The following KCNA2 variants were observed in gnomAD, a reference collection of about 807,000 sequenced individuals.
KCNA2 encodes potassium channel, voltage gated shaker related subfamily A, member 2.
KCNA2 carries 11 observed loss-of-function variants against 33.4 expected under a neutral mutation model. That is an observed-to-expected ratio of 0.33 (90% CI 0.21 to 0.55). KCNA2 has a LOEUF of 0.55. Ranked by LOEUF, KCNA2 falls within the 20% of genes least tolerant of loss-of-function variation. The probability of loss-of-function intolerance (pLI) is 0.93; values close to 1 mark genes in which losing one functional copy is unlikely to be tolerated. For missense variants in KCNA2, 291 were observed against 621.6 expected (o/e 0.47, Z 5.66); for synonymous variants, 222 against 231.3 (o/e 0.96, Z 0.37).
chr1:110,600,944 C>T lies in KCNA2; in HGVS notation c.*2339G>A, dbSNP rs1445412419. On this transcript the variant is annotated 3_prime_UTR_variant, in exon 3 of 3. Coordinates refer to ENST00000316361, the MANE Select transcript of KCNA2 (RefSeq NM_004974.4). ...AGCAGTGAGGCCTGGGCTGGAGCCA[C>T]CCCTGCATAGCCCGACCCCTGCAAT... 5.1e-6 allele frequency: 5 copies of T among 985,360 alleles called. No individual in the cohort carries two copies. Among genetic ancestry groups the T allele is most frequent in the Non-Finnish European group, 6.0e-6 (5 of 829,980 alleles). The allele number at this position is 985,360 out of a possible 1,614,324, so 61.0% of individuals were successfully genotyped here.
At chr1:110,612,162 C>T (rs1412458385) in intron 1 of KCNA2, among the ~76,000 whole-genome samples, 1 of 152,186 alleles carries the variant, frequency 6.6e-6, no homozygotes, top group African/African-American at 2.4e-5. Flanking sequence ...GCTGCTAATA[C>T]TCAAAGGCAG....
chr1:110,608,349 T>G (rs908065337), upstream of KCNA2, among the ~76,000 whole-genome samples: 1 of 152,238 alleles, frequency 6.6e-6, no homozygotes, highest in Admixed American at 6.5e-5. Flanking sequence ...CCTAGACAGG[T>G]GTGCCAAACA....
chr1:110,594,294 TATATATATATATA>T lies in KCNA2; in HGVS notation c.*8976_*8988del, dbSNP rs1648996478. On this transcript the variant is annotated 3_prime_UTR_variant, in exon 3 of 3. Coordinates refer to ENST00000316361, the MANE Select transcript of KCNA2 (RefSeq NM_004974.4). ...GCCATTTCCTCTCTCTCTCTCTCTC[TATATATATATATA>T]CATATATATATATATGTGTGTGTAT... 2 of 763,738 alleles carry T rather than the reference TATATATATATATA, an allele frequency of 2.6e-6. No individual in the cohort carries two copies. The highest frequency in any genetic ancestry group is 4.8e-5 in the African/African-American group (2 of 41,612). 47.3% of individuals were successfully genotyped at this position (763,738 alleles called of 1,614,324 possible). A position where few individuals can be genotyped will look rare whatever the true frequency, so the allele number is the denominator to read the frequency against.
At chr1:110,625,768 TAA>T (rs940959781) in intron 1 of KCNA2, among the ~76,000 whole-genome samples, 1 of 152,008 alleles carries the variant, frequency 6.6e-6, no homozygotes, top group African/African-American at 2.4e-5. Flanking sequence ...AGCAATACAA[TAA>T]AAGAGTGGGA....
In KCNA2 at chr1:110,600,455, T is replaced by G. The variant is rs1205127727; in HGVS notation, c.*2828A>C. On this transcript the variant is annotated 3_prime_UTR_variant, in exon 3 of 3. Transcript: ENST00000316361. The stretch of plus-strand genomic sequence containing the variant: ...TTGTGTATGTTCTGTGTAAATTCTA[T>G]ATCTGTGCAGAGTGTGCATTTTATA... 1 of 985,226 alleles carries G rather than the reference T, an allele frequency of 1.0e-6. No individual in the cohort carries two copies. The highest frequency in any genetic ancestry group is 1.1e-4 in the East Asian group (1 of 8,810). 61.0% of individuals were successfully genotyped at this position (985,226 alleles called of 1,614,324 possible).
Position 110,599,964 on chromosome 1 carries a change from C to A in KCNA2, c.*3319G>T. The A allele has an allele frequency of 1.0e-6, 1 of 985,280 alleles. No homozygotes were observed. Among genetic ancestry groups the A allele is most frequent in the Non-Finnish European group, 1.2e-6 (1 of 829,932 alleles). The allele number at this position is 985,280 out of a possible 1,614,324, so 61.0% of individuals were successfully genotyped here. ...GTAGAGACCCCATGCAATTCCTGGT[C>A]TTAGTCAGATATCTGCTTGATGTGG... On this transcript the variant is annotated 3_prime_UTR_variant, in exon 3 of 3. Coordinates refer to ENST00000316361, the MANE Select transcript of KCNA2 (RefSeq NM_004974.4).
Position 110,595,417 on chromosome 1 carries a change from G to T in KCNA2, c.*7866C>A. The T allele has an allele frequency of 1.0e-6, 1 of 985,454 alleles. No homozygotes were observed. The highest frequency in any genetic ancestry group is 1.2e-6 in the Non-Finnish European group (1 of 829,950). 61.0% of individuals were successfully genotyped at this position (985,454 alleles called of 1,614,324 possible). On this transcript the variant is annotated 3_prime_UTR_variant, in exon 3 of 3. Coordinates refer to ENST00000316361, the MANE Select transcript of KCNA2 (RefSeq NM_004974.4). ...TGTCAAGTCTGGGTTATGGGCTTCT[G>T]CTGCCTGATCACAACTAACATAGCC... is the stretch of plus-strand genomic sequence containing the variant.
intron 1 of KCNA2, among the ~76,000 whole-genome samples, chr1:110,612,545 C>T (rs1171053634): frequency 6.6e-6 from 1 of 152,140 alleles, no homozygotes; most frequent in Non-Finnish European, 1.5e-5. Flanking sequence ...TTCCCTCTCC[C>T]TCCCCACGCC....
chr1:110,594,062 G>A lies in KCNA2; in HGVS notation c.*9221C>T, dbSNP rs1421028295. The A allele has an allele frequency of 1.2e-5, 18 of 1,466,560 alleles. No individual in the cohort carries two copies. The African/African-American group carries it at 1.7e-4, about 14-fold the overall frequency. 90.8% of individuals were successfully genotyped at this position (1,466,560 alleles called of 1,614,324 possible). ...ACCATGGAGACCCCAGTTCCCTTTC[G>A]GCATCATCCTTACGAAGCTTTACCA... On this transcript the variant is annotated 3_prime_UTR_variant, in exon 3 of 3. Transcript: ENST00000316361.
Position 110,603,162 on chromosome 1 carries a change from A to AC in KCNA2, c.*120dup. ...AGTCAAAAGATCAAAAGTCACTTGC[A>AC]CAACTATTGCTTTCCATGCAGAACC... On this transcript the variant is annotated 3_prime_UTR_variant, in exon 3 of 3. Coordinates refer to ENST00000316361, the MANE Select transcript of KCNA2 (RefSeq NM_004974.4). The surrounding 1 kb of genome is among the most constrained non-coding windows in gnomAD (Gnocchi z 5.7). 6.8e-7 allele frequency: 1 copy of AC among 1,470,482 alleles called. No individual in the cohort carries two copies. Among genetic ancestry groups the AC allele is most frequent in the Non-Finnish European group, 9.0e-7 (1 of 1,116,108 alleles). 91.1% of individuals were successfully genotyped at this position (1,470,482 alleles called of 1,614,324 possible).
At chr1:110,611,498 G>T (rs966025821) in intron 1 of KCNA2, among the ~76,000 whole-genome samples, 4 of 152,228 alleles carry the variant, frequency 2.6e-5, no homozygotes, top group African/African-American at 9.6e-5. Flanking sequence ...GGAGGCTGAG[G>T]TGGGAGGATT....
At position 110,604,514 on chromosome 1, in the gene KCNA2, T is replaced by C; in HGVS notation, c.269A>G (p.Tyr90Cys). 6.2e-7 allele frequency: 1 copy of C among 1,614,210 alleles called. No homozygotes were observed. The highest frequency in any genetic ancestry group is 8.5e-7 in the Non-Finnish European group (1 of 1,180,028). ...CAATCGGCCCCCTGACTGGTAGTAGTACAAAATGGCATCAAAGCTAGGGCG... is the reference window on the plus strand; with the variant it reads ...CAATCGGCCCCCTGACTGGTAGTAGCACAAAATGGCATCAAAGCTAGGGCG... ...RNRPSFDAIL[Y>C]YYQSGGRLRR... The change falls in exon 3 of 3, where the codon TAC (tyrosine) becomes TGC (cysteine). Residue 90 changes from tyrosine (Y) to cysteine (C), a missense_variant. Physicochemically the swap from Tyr to Cys is radical, Grantham distance 194. Around this residue, in one of 5 missense-constraint regions of KCNA2, gnomAD observed 163 missense variants for 273.5 expected, o/e 0.60. Coordinates refer to ENST00000316361, the MANE Select transcript of KCNA2 (RefSeq NM_004974.4). The surrounding 1 kb of genome is among the most constrained non-coding windows in gnomAD (Gnocchi z 7.6).
chr1:110,594,293 C>A lies in KCNA2; in HGVS notation c.*8990G>T, dbSNP rs7544910. On this transcript the variant is annotated 3_prime_UTR_variant, in exon 3 of 3. Transcript: ENST00000316361. ...GGCCATTTCCTCTCTCTCTCTCTCT[C>A]TATATATATATATACATATATATAT... 0.26 allele frequency: 205,803 copies of A among 781,464 alleles called. 18,499 individuals carry two copies. Among genetic ancestry groups the A allele is most frequent in the Admixed American group, 0.29 (4,206 of 14,510 alleles). The allele number at this position is 781,464 out of a possible 1,614,324, so 48.4% of individuals were successfully genotyped here. A position where few individuals can be genotyped will look rare whatever the true frequency, so the allele number is the denominator to read the frequency against.
At position 110,624,484 on chromosome 1, in the gene KCNA2, G is replaced by A. The variant is rs571951801; in HGVS notation, c.-496+6911C>T. ...ACAGTGGTAGCCTGGGGCTTGGGGC[G>A]GGAGTAGGGATTGACTGACAAGTGG... On this transcript the variant is annotated intron_variant, in intron 1 of 4. Transcript: ENST00000369770. Among the ~76,000 whole-genome samples, 6 of 152,340 alleles carry A rather than the reference G, an allele frequency of 3.9e-5. No individual in the cohort carries two copies. In the South Asian group the frequency reaches 6.2e-4, roughly 16 times the overall value.
chr1:110,621,648 G>A (rs944774426), intron 1 of KCNA2, among the ~76,000 whole-genome samples: 1 of 152,086 alleles, frequency 6.6e-6, no homozygotes, highest in Non-Finnish European at 1.5e-5. Flanking sequence ...AAATGAGAGA[G>A]ATGACATTAC....
At chr1:110,606,493 T>A (rs1337472253), upstream of KCNA2, 3 of 152,106 alleles carry the variant, frequency 2.0e-5, no homozygotes, top group Non-Finnish European at 4.4e-5. Context: ...CTGGGCCCTC[T>A]CCCCATCGCC....
intron 1 of KCNA2, among the ~76,000 whole-genome samples, chr1:110,630,083 T>A (rs1251259588): frequency 6.6e-6 from 1 of 150,584 alleles, no homozygotes; most frequent in Non-Finnish European, 1.5e-5. Flanking sequence ...TGGTGCCATC[T>A]TGGCTCACCG....
chr1:110,598,620 C>T lies in KCNA2; in HGVS notation c.*4663G>A. On this transcript the variant is annotated 3_prime_UTR_variant, in exon 3 of 3. Transcript: ENST00000316361. ...AGGCTGGGGTCTCAGGCCATCATAG[C>T]TTCCATGGGAGCCCTTTCCATACTA... 2.0e-6 allele frequency: 2 copies of T among 985,376 alleles called. No homozygotes were observed. 61.0% of individuals were successfully genotyped at this position (985,376 alleles called of 1,614,324 possible).
rs986309966 is a variant in KCNA2 at position 110,595,438 on chromosome 1, T to C, written c.*7845A>G. On this transcript the variant is annotated 3_prime_UTR_variant, in exon 3 of 3. Coordinates refer to ENST00000316361, the MANE Select transcript of KCNA2 (RefSeq NM_004974.4). ...TTCTGCTGCCTGATCACAACTAACA[T>C]AGCCAGACTGGAGGGCTTCTGTGGG... 8.1e-6 allele frequency: 8 copies of C among 985,278 alleles called. No homozygotes were observed. The East Asian group carries it at 5.7e-4, about 70-fold the overall frequency. The allele number at this position is 985,278 out of a possible 1,614,324, so 61.0% of individuals were successfully genotyped here.
Sources: gnomAD v4.1 joint callset for allele counts (sites outside exome capture counted in the v4.1 genomes callset) on GRCh38, gnomAD v4.1.1 for gene constraint, gnomAD v4.1.1 regional missense constraint, Gnocchi (gnomAD v3.1) non-coding constraint, MANE v1.5 for transcripts, NCBI Gene and HGNC (gene_info 2026-07-23, HGNC 2026-07-21) for gene names.